Variants in CNBD1 observed in about 807,000 individuals in gnomAD.
The protein encoded by CNBD1 is cyclic nucleotide-binding domain-containing protein 1.
In CNBD1, 71 loss-of-function variants were observed where a neutral mutation model predicts 54.4. The observed-to-expected ratio is 1.30, with a 90% CI of 1.08 to 1.59. The LOEUF is 1.59. Ranked by LOEUF, CNBD1 falls within the 40% of genes most tolerant of loss-of-function variation. The probability of loss-of-function intolerance (pLI) is 0.00; values close to 1 mark genes in which losing one functional copy is unlikely to be tolerated. For missense variants in CNBD1, 659 were observed against 518.0 expected (o/e 1.27, Z -2.64); for synonymous variants, 182 against 170.7 (o/e 1.07, Z -0.51).
rs149483544 is a variant in CNBD1, at chr8:87,082,311, A to C, written c.432-123682A>C. 1.2e-3 allele frequency among the ~76,000 whole-genome samples: 181 copies of C among 152,062 alleles called. No homozygotes were observed. The Middle Eastern group carries it at 0.014, about 12-fold the overall frequency. ...ATTTTCCACTACCTACCCAAATCCT[A>C]TAAAACTGCCCCACCCCTATCTCCC... On this transcript the variant is annotated intron_variant, in intron 4 of 10. Transcript: ENST00000518476.
intron 4 of CNBD1, among the ~76,000 whole-genome samples, chr8:87,029,305 CA>C (rs1462057754): frequency 6.6e-6 from 1 of 152,102 alleles, no homozygotes; most frequent in Non-Finnish European, 1.5e-5. Context: ...GCCAAACAAG[CA>C]AACAAGTAAA....
intron 8 of CNBD1, among the ~76,000 whole-genome samples, chr8:87,297,685 C>G (rs1407034475): frequency 2.0e-5 from 3 of 147,820 alleles, no homozygotes; most frequent in Non-Finnish European, 1.5e-5. Context: ...TTTACAGATG[C>G]ATTTGTGAGA....
chr8:87,388,166 T>G (rs1205708374), intron 2 of CNBD1, among the ~76,000 whole-genome samples: 1 of 151,972 alleles, frequency 6.6e-6, no homozygotes. Context: ...GATCTAAAAT[T>G]GACACCCTAA....
At chr8:86,951,010 T>A (rs1244176060) in intron 4 of CNBD1, among the ~76,000 whole-genome samples, 1 of 152,160 alleles carries the variant, frequency 6.6e-6, no homozygotes, top group Admixed American at 6.5e-5. Flanking sequence ...TTCTGCAGTA[T>A]CAGATGCAAT....
intron 5 of CNBD1, among the ~76,000 whole-genome samples, chr8:87,228,554 G>C (rs943433504): frequency 3.3e-5 from 5 of 149,994 alleles, no homozygotes; most frequent in Non-Finnish European, 7.4e-5. Context: ...AGGCTGCTCG[G>C]GGGTCAGGGG....
At chr8:87,022,132 A>G (rs138088400) in intron 4 of CNBD1, among the ~76,000 whole-genome samples, 2 of 152,324 alleles carry the variant, frequency 1.3e-5, no homozygotes, top group East Asian at 3.9e-4. Flanking sequence ...GAATTTACTG[A>G]AACAGCAGTG....
At chr8:87,174,205 G>A (rs746042509) in intron 4 of CNBD1, among the ~76,000 whole-genome samples, 10 of 152,008 alleles carry the variant, frequency 6.6e-5, no homozygotes, top group South Asian at 4.2e-4. Flanking sequence ...TTATCTGCCC[G>A]CCTCGGCCTC....
At chr8:87,306,289 A>G (rs1024676267) in intron 8 of CNBD1, among the ~76,000 whole-genome samples, 2 of 152,190 alleles carry the variant, frequency 1.3e-5, no homozygotes, top group Non-Finnish European at 2.9e-5. Flanking sequence ...ACACTTTTAT[A>G]CTGCTGGTGG....
intron 4 of CNBD1, among the ~76,000 whole-genome samples, chr8:86,984,652 T>C (rs962832761): frequency 6.6e-6 from 1 of 152,136 alleles, no homozygotes; most frequent in African/African-American, 2.4e-5. Flanking sequence ...ATTTTAAAGC[T>C]TTAGGATTTG....
chr8:87,237,765 C>T (rs939705630), intron 6 of CNBD1, among the ~76,000 whole-genome samples: 7 of 151,960 alleles, frequency 4.6e-5, no homozygotes, highest in Admixed American at 3.9e-4. Context: ...CCAATTAAAA[C>T]CAAATAATTT....
At chr8:87,140,069 A>T (rs1487859922) in intron 4 of CNBD1, among the ~76,000 whole-genome samples, 2 of 152,196 alleles carry the variant, frequency 1.3e-5, no homozygotes, top group Non-Finnish European at 2.9e-5. Flanking sequence ...AAATTGTAAT[A>T]ACTTCAAGAT....
chr8:87,318,962 AG>A (rs774070683), intron 8 of CNBD1, among the ~76,000 whole-genome samples: 2 of 152,122 alleles, frequency 1.3e-5, no homozygotes. Flanking sequence ...GAAAAGAATG[AG>A]CATAATGAAA....
chr8:87,168,511 C>A (rs1331977393), intron 4 of CNBD1, among the ~76,000 whole-genome samples: 2 of 151,928 alleles, frequency 1.3e-5, no homozygotes, highest in African/African-American at 4.8e-5. Context: ...CTATCAAATA[C>A]TAGGTCTTAT....
At chr8:86,972,838 A>T (rs568064275) in intron 4 of CNBD1, among the ~76,000 whole-genome samples, 11 of 152,182 alleles carry the variant, frequency 7.2e-5, no homozygotes, top group African/African-American at 2.6e-4. Flanking sequence ...CTGTTATCCT[A>T]TTGCCAAATG....
chr8:86,878,341 C>T (rs1301166743), intron 1 of CNBD1, among the ~76,000 whole-genome samples: 1 of 152,078 alleles, frequency 6.6e-6, no homozygotes, highest in East Asian at 1.9e-4. Context: ...GGAGAGTGCA[C>T]TAGTTCAGCA....
At chr8:86,876,420 A>G (rs1184781260) in intron 1 of CNBD1, among the ~76,000 whole-genome samples, 1 of 151,640 alleles carries the variant, frequency 6.6e-6, no homozygotes, top group East Asian at 1.9e-4. Flanking sequence ...ATATACTGTT[A>G]GTTAGTTCCC....
At chr8:86,938,020 T>C (rs1388091293) in intron 3 of CNBD1, among the ~76,000 whole-genome samples, 1 of 152,220 alleles carries the variant, frequency 6.6e-6, no homozygotes, top group Non-Finnish European at 1.5e-5. Flanking sequence ...TGAATGCATT[T>C]AATAGCACCC....
intron 4 of CNBD1, among the ~76,000 whole-genome samples, chr8:86,995,536 A>G (rs1808851917): frequency 6.6e-6 from 1 of 152,208 alleles, no homozygotes; most frequent in Non-Finnish European, 1.5e-5. Context: ...AAATTCAGGT[A>G]GAGTTTTGAA....
Position 87,389,828 on chromosome 8 carries a change from C to T in CNBD1, c.213+36042C>T, listed in dbSNP as rs369371495. On this transcript the variant is annotated intron_variant, in intron 2 of 7. Transcript: ENST00000521593. ...CGAAAGAACAAAACTGGAGGCATCA[C>T]GCTACCTGACTTCAAACTATACTAC... Among the ~76,000 whole-genome samples the T allele has an allele frequency of 8.5e-5, 13 of 152,282 alleles. No individual in the cohort carries two copies. The East Asian group carries it at 1.5e-3, about 18-fold the overall frequency.
Sources: gnomAD v4.1 joint callset for allele counts (sites outside exome capture counted in the v4.1 genomes callset) on GRCh38, gnomAD v4.1.1 for gene constraint, MANE v1.5 for transcripts, NCBI Gene and HGNC (gene_info 2026-07-23, HGNC 2026-07-21) for gene names.